The following RANBP2 variants were observed in gnomAD, a reference collection of about 807,000 sequenced individuals.
RANBP2 encodes RAN binding protein 2.
A neutral mutation model predicts 303.6 loss-of-function variants in RANBP2; 57 were observed. The observed-to-expected ratio is 0.19, with a 90% CI of 0.15 to 0.23. The LOEUF is 0.23. RANBP2 is among the 10% of genes least tolerant of loss of function. The probability of loss-of-function intolerance (pLI) is 1.00; values close to 1 mark genes in which losing one functional copy is unlikely to be tolerated. For missense variants in RANBP2, 3,138 were observed against 3,780.8 expected, an observed-to-expected ratio of 0.83 and a Z score of 4.46; for synonymous variants, 1,167 against 1,301.5, an observed-to-expected ratio of 0.90 and a Z score of 2.23.
the RANBP2 span, among the ~76,000 whole-genome samples, chr2:109,379,165 T>C: frequency 1.6e-4 from 24 of 152,332 alleles, no homozygotes; most frequent in Non-Finnish European, 3.4e-4. Context: ...TTGTTTTCAG[T>C]GTCTGGAGCA....
chr2:109,513,997 G>A, the RANBP2 span, among the ~76,000 whole-genome samples: 1 of 152,210 alleles, frequency 6.6e-6, no homozygotes, highest in Non-Finnish European at 1.5e-5. Flanking sequence ...GGTCCCCAGT[G>A]AGTCTGCGGC....
chr2:109,143,683 G>A, the RANBP2 span, among the ~76,000 whole-genome samples: 44 of 152,258 alleles, frequency 2.9e-4, no homozygotes, highest in Admixed American at 2.8e-3. Context: ...AAGCCCAGGA[G>A]GTTGAGGCTG....
chr2:109,044,828 G>A, the RANBP2 span, among the ~76,000 whole-genome samples: 1 of 152,130 alleles, frequency 6.6e-6, no homozygotes, highest in African/African-American at 2.4e-5. Context: ...TTCTTTATCT[G>A]AAAAGCAGGG....
chr2:108,902,929 C>A, the RANBP2 span, among the ~76,000 whole-genome samples: 1 of 151,996 alleles, frequency 6.6e-6, no homozygotes, highest in African/African-American at 2.4e-5. Flanking sequence ...AGGAAAGAAA[C>A]GGTACACAGA....
In RANBP2 at chr2:108,751,923, C is replaced by CT. The variant is rs1558903136; in HGVS notation, c.1685dup (p.Arg563LysfsTer28). The CT allele has an allele frequency of 6.2e-7, 1 of 1,611,942 alleles. No homozygotes were observed. The highest frequency in any genetic ancestry group is 8.5e-7 in the Non-Finnish European group (1 of 1,179,854). On this transcript the variant is annotated frameshift_variant, in exon 12 of 29. Coordinates refer to ENST00000283195, the MANE Select transcript of RANBP2 (RefSeq NM_006267.5). LOFTEE classifies it high-confidence loss of function. ...TCTAGTTCAGCATGAAATAAACACT[C>CT]TAAGAGCCCAGGAAAAACATGGCCT...
At chr2:109,440,557 G>A in the RANBP2 span, among the ~76,000 whole-genome samples, 1 of 152,178 alleles carries the variant, frequency 6.6e-6, no homozygotes, top group African/African-American at 2.4e-5. Flanking sequence ...ATGAGGACAG[G>A]AATTACTCTC....
the RANBP2 span, among the ~76,000 whole-genome samples, chr2:109,349,018 TTTC>T: frequency 6.6e-6 from 1 of 152,120 alleles, no homozygotes; most frequent in Non-Finnish European, 1.5e-5. Flanking sequence ...TGTGTCAGTA[TTTC>T]TCTCTCTCTC....
At chr2:109,658,371 G>A in the RANBP2 span, among the ~76,000 whole-genome samples, 81 of 151,922 alleles carry the variant, frequency 5.3e-4, no homozygotes, top group African/African-American at 1.8e-3. Flanking sequence ...GCTTGAACTC[G>A]GGAGGCAGAG....
chr2:109,164,560 C>G, the RANBP2 span, among the ~76,000 whole-genome samples: 1 of 152,162 alleles, frequency 6.6e-6, no homozygotes, highest in Admixed American at 6.5e-5. Flanking sequence ...ATTTACTCTT[C>G]TACCCATTCA....
chr2:108,741,725 G>T (rs1250911079), intron 7 of RANBP2, among the ~76,000 whole-genome samples: 1 of 149,004 alleles, frequency 6.7e-6, no homozygotes, highest in Non-Finnish European at 1.5e-5. Context: ...TGTTAGCCAG[G>T]ATGGTCTCAA....
At chr2:109,259,378 C>T in the RANBP2 span, among the ~76,000 whole-genome samples, 4 of 152,178 alleles carry the variant, frequency 2.6e-5, no homozygotes, top group South Asian at 8.3e-4. Context: ...ATCCTACATA[C>T]CTGCATGCAA....
the RANBP2 span, among the ~76,000 whole-genome samples, chr2:109,735,350 T>C: frequency 1.3e-5 from 2 of 152,242 alleles, no homozygotes; most frequent in African/African-American, 4.8e-5. Flanking sequence ...TTATTTTTTA[T>C]GGCTGAATAG....
chr2:109,235,314 C>T, the RANBP2 span, among the ~76,000 whole-genome samples: 1 of 152,176 alleles, frequency 6.6e-6, no homozygotes, highest in Non-Finnish European at 1.5e-5. Flanking sequence ...CTCCCCCTTC[C>T]TACCTCCTCT....
At chr2:108,975,233 AG>A in the RANBP2 span, among the ~76,000 whole-genome samples, 1 of 152,200 alleles carries the variant, frequency 6.6e-6, no homozygotes, top group Non-Finnish European at 1.5e-5. Flanking sequence ...ATCTGAACAC[AG>A]GGATAGCAGC....
the RANBP2 span, among the ~76,000 whole-genome samples, chr2:109,288,333 C>A: frequency 1.3e-5 from 2 of 152,140 alleles, no homozygotes; most frequent in Non-Finnish European, 2.9e-5. Flanking sequence ...GGGAGTTGCC[C>A]ATAGTTCTTA....
the RANBP2 span, among the ~76,000 whole-genome samples, chr2:109,652,600 G>A: frequency 1.3e-5 from 2 of 152,158 alleles, no homozygotes; most frequent in African/African-American, 2.4e-5. Context: ...CGTTTCACAC[G>A]ACTATGGATT....
chr2:108,906,213 C>T, the RANBP2 span: 4 of 1,346,758 alleles, frequency 3.0e-6, no homozygotes, highest in African/African-American at 2.9e-5. Flanking sequence ...GGCGGCTTCC[C>T]TCAGTTCCCC....
the RANBP2 span, among the ~76,000 whole-genome samples, chr2:109,031,721 G>A: frequency 6.6e-6 from 1 of 152,172 alleles, no homozygotes; most frequent in Non-Finnish European, 1.5e-5. Context: ...CAACCTGGAC[G>A]CGCTGCGGGC....
chr2:109,328,032 G>GT, the RANBP2 span, among the ~76,000 whole-genome samples: 1 of 151,800 alleles, frequency 6.6e-6, no homozygotes, highest in Non-Finnish European at 1.5e-5. Context: ...CACTTTTTTT[G>GT]TTTTTTGGGG....
Sources: gnomAD v4.1 joint callset for allele counts (sites outside exome capture counted in the v4.1 genomes callset) on GRCh38, gnomAD v4.1.1 for gene constraint, MANE v1.5 for transcripts, NCBI Gene and HGNC (gene_info 2026-07-23, HGNC 2026-07-21) for gene names.